Variants in MAN1A1 observed in about 807,000 individuals in gnomAD.
MAN1A1 encodes the protein mannosidase alpha class 1A member 1, also known as mannosyl-oligosaccharide 1,2-alpha-mannosidase IA.
A neutral mutation model predicts 70.8 loss-of-function variants in MAN1A1; 29 were observed. The ratio of observed to expected loss-of-function variants is 0.41; its 90% CI spans 0.31 to 0.56. The LOEUF (loss-of-function observed/expected upper bound fraction) is 0.56. MAN1A1 is among the 20% of genes least tolerant of loss of function. The pLI is 0.29. For missense variants in MAN1A1, 747 were observed against 841.3 expected (o/e 0.89, Z 1.39); for synonymous variants, 349 against 330.1 (o/e 1.06, Z -0.62).
At chr6:119,213,370 T>C (rs927904218) in intron 6 of MAN1A1, among the ~76,000 whole-genome samples, 1 of 152,208 alleles carries the variant, frequency 6.6e-6, no homozygotes, top group Non-Finnish European at 1.5e-5. Context: ...GGATGCTGTG[T>C]TATGAAACAC....
intron 7 of MAN1A1, among the ~76,000 whole-genome samples, chr6:119,203,872 A>G (rs1162441855): frequency 6.6e-6 from 1 of 152,154 alleles, no homozygotes; most frequent in Admixed American, 6.5e-5. Context: ...GACTGAAATA[A>G]TAAACTTGGA....
chr6:119,317,904 CT>C (rs1467579838), intron 2 of MAN1A1, among the ~76,000 whole-genome samples: 1 of 151,618 alleles, frequency 6.6e-6, no homozygotes, highest in African/African-American at 2.4e-5. Context: ...CAAAAAAAAC[CT>C]TCTGAAGTAA....
intron 8 of MAN1A1, among the ~76,000 whole-genome samples, chr6:119,200,105 A>ACAT (rs994055832): frequency 9.2e-5 from 14 of 152,338 alleles, no homozygotes; most frequent in African/African-American, 3.4e-4. Flanking sequence ...GCAGAAAGAG[A>ACAT]GATGAGATAC....
At chr6:119,180,669 T>C (rs1582671640) in intron 11 of MAN1A1, among the ~76,000 whole-genome samples, 1 of 152,194 alleles carries the variant, frequency 6.6e-6, no homozygotes. Context: ...TTCGCCACCA[T>C]GCCTGGCTAA....
intron 6 of MAN1A1, among the ~76,000 whole-genome samples, chr6:119,242,404 T>G: frequency 6.6e-6 from 1 of 152,094 alleles, no homozygotes; most frequent in East Asian, 1.9e-4. Flanking sequence ...TAAACCACAT[T>G]GAGACATTCT....
chr6:119,294,567 A>G (rs192174618), intron 4 of MAN1A1, among the ~76,000 whole-genome samples: 1 of 152,254 alleles, frequency 6.6e-6, no homozygotes, highest in East Asian at 1.9e-4. Flanking sequence ...TCTAGTACAC[A>G]GTCTTACATC....
chr6:119,207,692 A>C (rs986676781), intron 6 of MAN1A1, among the ~76,000 whole-genome samples: 5 of 152,182 alleles, frequency 3.3e-5, no homozygotes, highest in African/African-American at 1.2e-4. Flanking sequence ...TCTACTGAGG[A>C]ATCTATGTGT....
At chr6:119,220,105 T>C (rs1467201779) in intron 6 of MAN1A1, among the ~76,000 whole-genome samples, 2 of 152,166 alleles carry the variant, frequency 1.3e-5, no homozygotes, top group African/African-American at 4.8e-5. Flanking sequence ...TACCACAATC[T>C]TCATTTTAGA....
chr6:119,312,720 C>T (rs1274181059), intron 2 of MAN1A1, among the ~76,000 whole-genome samples: 3 of 152,158 alleles, frequency 2.0e-5, no homozygotes, highest in Admixed American at 6.5e-5. Context: ...TGCCCTTCTA[C>T]CCCTTAGTTC....
intron 3 of MAN1A1, among the ~76,000 whole-genome samples, chr6:119,305,845 G>A (rs1582788576): frequency 1.3e-5 from 2 of 152,260 alleles, no homozygotes; most frequent in Non-Finnish European, 2.9e-5. Flanking sequence ...CCAAACACAT[G>A]GAAGGTTCTA....
chr6:119,254,217 C>T (rs1775402322), intron 5 of MAN1A1, among the ~76,000 whole-genome samples: 1 of 152,160 alleles, frequency 6.6e-6, no homozygotes, highest in Non-Finnish European at 1.5e-5. Context: ...ACAAAAAGTA[C>T]ACTAAATGGC....
intron 6 of MAN1A1, among the ~76,000 whole-genome samples, chr6:119,228,802 C>A (rs992149812): frequency 3.0e-4 from 46 of 151,984 alleles, no homozygotes; most frequent in African/African-American, 1.1e-3. Flanking sequence ...TAAAAAATGA[C>A]AAAATATAGG....
intron 2 of MAN1A1, among the ~76,000 whole-genome samples, chr6:119,309,148 T>C (rs1028938539): frequency 1.3e-5 from 2 of 152,164 alleles, no homozygotes; most frequent in Non-Finnish European, 2.9e-5. Context: ...GAGGGGTTTA[T>C]CCAGCAATTA....
chr6:119,320,164 AG>A (rs1314149891), intron 2 of MAN1A1, among the ~76,000 whole-genome samples: 1 of 152,000 alleles, frequency 6.6e-6, no homozygotes, highest in Non-Finnish European at 1.5e-5. Context: ...AGTACAGACG[AG>A]GTTTCACTAT....
chr6:119,236,423 T>C (rs1039787868), intron 6 of MAN1A1, among the ~76,000 whole-genome samples: 4 of 152,154 alleles, frequency 2.6e-5, no homozygotes, highest in Admixed American at 1.3e-4. Context: ...AGGAGTAATT[T>C]TGAGCTGGGT....
chr6:119,244,467 C>T (rs1463547802), intron 6 of MAN1A1, among the ~76,000 whole-genome samples: 1 of 152,008 alleles, frequency 6.6e-6, no homozygotes, highest in Non-Finnish European at 1.5e-5. Context: ...TCCATTAAAT[C>T]ACAATTTCAG....
rs577359799 is a variant in MAN1A1 at position 119,231,464 on chromosome 6, A to C, written c.992+16796T>G. The stretch of plus-strand genomic sequence containing the variant: ...GCCTCCCCAGCAATGCGGAACTGTG[A>C]GTCAATTAAATCTCTTTCCTTTATA... On this transcript the variant is annotated intron_variant, in intron 6 of 12. Transcript: ENST00000368468. 3.9e-5 allele frequency among the ~76,000 whole-genome samples: 6 copies of C among 152,280 alleles called. No homozygotes were observed. The South Asian group carries it at 1.2e-3, about 32-fold the overall frequency.
At chr6:119,251,092 G>A (rs77999085) in intron 5 of MAN1A1, among the ~76,000 whole-genome samples, 2,999 of 152,114 alleles carry the variant, frequency 0.02, 49 homozygotes, top group Non-Finnish European at 0.03. Flanking sequence ...TGTTCTCATT[G>A]CCAGGTACTA....
In MAN1A1 at chr6:119,349,761, T is replaced by C. The variant is rs1773853364; in HGVS notation, c.-442A>G. The C allele has an allele frequency of 2.0e-6, 2 of 985,314 alleles. No homozygotes were observed. The highest frequency in any genetic ancestry group is 3.5e-5 in the African/African-American group (2 of 57,358). 61.0% of individuals were successfully genotyped at this position (985,314 alleles called of 1,614,324 possible). ...CACTCCGCCGCGGCCCCGCGAGCAC[T>C]AATCTCACTGCCGGTCTTGGGGCGG... On this transcript the variant is annotated 5_prime_UTR_variant, in exon 1 of 13. Transcript: ENST00000368468.
Sources: gnomAD v4.1 joint callset for allele counts (sites outside exome capture counted in the v4.1 genomes callset) on GRCh38, gnomAD v4.1.1 for gene constraint, MANE v1.5 for transcripts, NCBI Gene and HGNC (gene_info 2026-07-23, HGNC 2026-07-21) for gene names.